Variants in CTNND2 observed in about 807,000 individuals in gnomAD.
The protein encoded by CTNND2 is catenin delta-2.
In CTNND2, 22 loss-of-function variants were observed where a neutral mutation model predicts 144.4. That is an observed-to-expected ratio of 0.15 (90% CI 0.11 to 0.22). The LOEUF is 0.22. CTNND2 is among the 10% of genes least tolerant of loss of function. CTNND2 has a pLI of 1.00. For missense variants in CTNND2, 1,353 were observed against 1,618.8 expected (o/e 0.84, Z 2.82); for synonymous variants, 751 against 695.6 (o/e 1.08, Z -1.25).
chr5:11,557,944 G>A (rs1001717665), intron 3 of CTNND2, among the ~76,000 whole-genome samples: 3 of 152,108 alleles, frequency 2.0e-5, no homozygotes, highest in South Asian at 2.1e-4. Context: ...TCCAAAGAAC[G>A]GTTCATTTTC....
intron 3 of CTNND2, among the ~76,000 whole-genome samples, chr5:11,493,589 TG>T (rs1561472651): frequency 6.6e-6 from 1 of 152,226 alleles, no homozygotes; most frequent in East Asian, 1.9e-4. Context: ...GCTGCTTTAA[TG>T]GAGATATATA....
intron 2 of CTNND2, among the ~76,000 whole-genome samples, chr5:11,607,583 T>C (rs1780113639): frequency 6.6e-6 from 1 of 152,202 alleles, no homozygotes; most frequent in African/African-American, 2.4e-5. Context: ...GGCAATTCAA[T>C]TGACACAAAT....
chr5:11,589,312 C>CACACACAT (rs761346317), intron 2 of CTNND2, among the ~76,000 whole-genome samples: 11 of 149,298 alleles, frequency 7.4e-5, no homozygotes, highest in African/African-American at 2.7e-4. Context: ...CACACACACA[C>CACACACAT]GACAACAACA....
chr5:11,799,803 T>C (rs192087302), intron 1 of CTNND2, among the ~76,000 whole-genome samples: 163 of 152,296 alleles, frequency 1.1e-3, no homozygotes, highest in African/African-American at 3.4e-3. Context: ...GGCAAGCTAC[T>C]GTCTACAGAT....
chr5:11,795,665 G>A (rs182025318), intron 1 of CTNND2, among the ~76,000 whole-genome samples: 1 of 152,210 alleles, frequency 6.6e-6, no homozygotes, highest in Non-Finnish European at 1.5e-5. Flanking sequence ...GATGGCCCAT[G>A]ATAGCTGAGG....
At chr5:11,183,899 G>A (rs1735363391) in intron 11 of CTNND2, among the ~76,000 whole-genome samples, 1 of 152,034 alleles carries the variant, frequency 6.6e-6, no homozygotes, top group Non-Finnish European at 1.5e-5. Context: ...CGCTCATGCT[G>A]TCTCTCTCTG....
At position 10,988,893 on chromosome 5, in the gene CTNND2, T is replaced by G. The variant is rs1331704053; in HGVS notation, c.3212-651A>C. On this transcript the variant is annotated intron_variant, in intron 19 of 21. Coordinates refer to ENST00000304623, the MANE Select transcript of CTNND2 (RefSeq NM_001332.4). This position sits in a 1 kb window ranked among gnomAD's most constrained non-coding sequence, Gnocchi z 5.9. ...TGCTAGGGCATTCTTGCTCCAGCTTTTTGCATAAACACCCCAATAATCTCT... is the reference window on the plus strand; with the variant it reads ...TGCTAGGGCATTCTTGCTCCAGCTTGTTGCATAAACACCCCAATAATCTCT... Among the ~76,000 whole-genome samples the G allele has an allele frequency of 6.6e-6, 1 of 152,128 alleles. No homozygotes were observed. The highest frequency in any genetic ancestry group is 2.4e-5 in the African/African-American group (1 of 41,438).
At chr5:11,661,872 G>A (rs1350403641) in intron 2 of CTNND2, among the ~76,000 whole-genome samples, 1 of 151,830 alleles carries the variant, frequency 6.6e-6, no homozygotes, top group East Asian at 1.9e-4. Flanking sequence ...GGAGGTGAGC[G>A]GCAGGCAAAT....
intron 16 of CTNND2, among the ~76,000 whole-genome samples, chr5:11,059,657 T>C (rs576825033): frequency 6.6e-6 from 1 of 152,308 alleles, no homozygotes; most frequent in South Asian, 2.1e-4. Context: ...AGAATCACCA[T>C]GATTTCCCAT....
intron 1 of CTNND2, among the ~76,000 whole-genome samples, chr5:11,852,423 C>G (rs1289246726): frequency 6.6e-6 from 1 of 152,032 alleles, no homozygotes; most frequent in Non-Finnish European, 1.5e-5. Context: ...CAGTAAGGAA[C>G]AAATGGCAAG....
chr5:11,227,629 A>C (rs971730545), intron 10 of CTNND2, among the ~76,000 whole-genome samples: 3 of 152,248 alleles, frequency 2.0e-5, no homozygotes, highest in Non-Finnish European at 4.4e-5. Context: ...AGTCTAGTAG[A>C]CAGGAACCAG....
chr5:11,610,053 T>C (rs1394287898), intron 2 of CTNND2, among the ~76,000 whole-genome samples: 1 of 152,236 alleles, frequency 6.6e-6, no homozygotes, highest in Non-Finnish European at 1.5e-5. Context: ...ACAATATAAG[T>C]GCCGATGACA....
At chr5:11,379,414 T>C (rs780472910) in intron 7 of CTNND2, among the ~76,000 whole-genome samples, 2 of 152,220 alleles carry the variant, frequency 1.3e-5, no homozygotes, top group Non-Finnish European at 2.9e-5. Flanking sequence ...CCCTGTCATT[T>C]CTAGATGAGT....
intron 3 of CTNND2, among the ~76,000 whole-genome samples, chr5:11,503,202 G>A (rs892346822): frequency 6.6e-6 from 1 of 152,118 alleles, no homozygotes; most frequent in Non-Finnish European, 1.5e-5. Flanking sequence ...AAATGCACTC[G>A]CCATGCAGGG....
intron 2 of CTNND2, among the ~76,000 whole-genome samples, chr5:11,725,032 AAGG>A (rs1336466190): frequency 6.6e-6 from 1 of 152,180 alleles, no homozygotes; most frequent in Non-Finnish European, 1.5e-5. Context: ...CTTAGTGAAA[AAGG>A]AGGATGCTAA....
intron 9 of CTNND2, among the ~76,000 whole-genome samples, chr5:11,326,931 C>T (rs1239950965): frequency 1.3e-5 from 2 of 152,152 alleles, no homozygotes; most frequent in Non-Finnish European, 2.9e-5. Flanking sequence ...AGAGGCATCT[C>T]CTGGGACGCA....
At position 10,995,561 on chromosome 5, in the gene CTNND2, G is replaced by A. The variant is rs115234304; in HGVS notation, c.3085-2884C>T. 4.7e-3 allele frequency among the ~76,000 whole-genome samples: 709 copies of A among 152,328 alleles called. 5 individuals are homozygous for A. The highest frequency in any genetic ancestry group is 0.015 in the African/African-American group (605 of 41,582). ...AGACAGTGAGTACAGACAAGCCTTT[G>A]GCAAAGTTTTATTTTAAACGGAAAT... On this transcript the variant is annotated intron_variant, in intron 18 of 21. Coordinates refer to ENST00000304623, the MANE Select transcript of CTNND2 (RefSeq NM_001332.4).
At chr5:11,770,142 G>C (rs556806433) in intron 1 of CTNND2, among the ~76,000 whole-genome samples, 2 of 152,208 alleles carry the variant, frequency 1.3e-5, no homozygotes, top group East Asian at 3.9e-4. Context: ...TTGAAGAAAA[G>C]AAACAGAAAC....
intron 1 of CTNND2, among the ~76,000 whole-genome samples, chr5:11,751,296 T>C (rs1458409949): frequency 1.3e-5 from 2 of 151,722 alleles, no homozygotes; most frequent in Non-Finnish European, 2.9e-5. Context: ...GTAAATTGAG[T>C]GTCATGGGGG....
Sources: allele counts gnomAD v4.1 joint callset (sites outside exome capture counted in the v4.1 genomes callset), GRCh38; gene constraint gnomAD v4.1.1; non-coding constraint Gnocchi (gnomAD v3.1); transcripts MANE v1.5; gene names NCBI Gene and HGNC (gene_info 2026-07-23, HGNC 2026-07-21).